The following SLC36A1 variants were observed in gnomAD, a reference collection of about 807,000 sequenced individuals.
The protein encoded by SLC36A1 is proton-coupled amino acid transporter 1.
Under a neutral mutation model 47.5 loss-of-function variants are expected in SLC36A1, and 30 were observed. That is an observed-to-expected ratio of 0.63 (90% CI 0.47 to 0.86). The LOEUF (loss-of-function observed/expected upper bound fraction) is 0.86. Among genes scored for constraint, SLC36A1 ranks in the 40% least tolerant of loss-of-function variants. The probability of loss-of-function intolerance (pLI) is 0.00; values close to 1 mark genes in which losing one functional copy is unlikely to be tolerated. For synonymous variants in SLC36A1, 255 were observed against 249.7 expected (o/e 1.02, Z -0.20); for missense variants, 517 against 606.0 (o/e 0.85, Z 1.54).
chr5:151,387,766 T>G, the SLC36A1 span, among the ~76,000 whole-genome samples: 3 of 152,226 alleles, frequency 2.0e-5, no homozygotes, highest in South Asian at 6.2e-4. Context: ...CATGCCCAGC[T>G]TGTCTGCCAT....
At chr5:151,532,551 G>A in the SLC36A1 span, among the ~76,000 whole-genome samples, 1 of 152,220 alleles carries the variant, frequency 6.6e-6, no homozygotes, top group Admixed American at 6.5e-5. Flanking sequence ...CATTAGGGAA[G>A]CTGCATGAAG....
At chr5:151,478,847 ATTGTAGCACTCTG>A (rs989610495) in intron 9 of SLC36A1, among the ~76,000 whole-genome samples, 31 of 152,216 alleles carry the variant, frequency 2.0e-4, no homozygotes, top group African/African-American at 7.2e-4. Flanking sequence ...TTTAAGACAA[ATTGTAGCACTCTG>A]TAGGTACTGT....
chr5:151,497,947 T>A, the SLC36A1 span, among the ~76,000 whole-genome samples: 1 of 151,574 alleles, frequency 6.6e-6, no homozygotes, highest in Non-Finnish European at 1.5e-5. Flanking sequence ...TCCTTTTTTT[T>A]TTTTTCTTTT....
chr5:151,551,455 G>A, the SLC36A1 span: 2 of 1,613,144 alleles, frequency 1.2e-6, no homozygotes, highest in South Asian at 2.2e-5. Context: ...GTCCCCAGCC[G>A]AGGCCTCTAA....
the SLC36A1 span, among the ~76,000 whole-genome samples, chr5:151,399,065 AATAT>A: frequency 8.1e-3 from 540 of 66,600 alleles, 2 homozygotes; most frequent in Middle Eastern, 0.017. Flanking sequence ...TGTGTGTGTA[AATAT>A]ATATATATAT....
chr5:151,458,605 C>T (rs1274842699), intron 1 of SLC36A1, among the ~76,000 whole-genome samples, 183 bp from the exon 2 acceptor site: 4 of 152,058 alleles, frequency 2.6e-5, no homozygotes, highest in South Asian at 2.1e-4. Flanking sequence ...GAACTCAGCC[C>T]GCCTCTGTGT....
chr5:151,505,517 C>CAAG, the SLC36A1 span: 1 of 1,608,096 alleles, frequency 6.2e-7, no homozygotes, highest in Non-Finnish European at 8.5e-7. Flanking sequence ...AGAAATAAGC[C>CAAG]AAGTCCAGTC....
chr5:151,382,217 C>T, the SLC36A1 span: 1 of 1,257,298 alleles, frequency 8.0e-7, no homozygotes, highest in Non-Finnish European at 1.2e-6. Context: ...TGAACCTCAT[C>T]TGCAAGTGCG....
chr5:151,378,885 A>G, the SLC36A1 span, among the ~76,000 whole-genome samples: 3 of 152,256 alleles, frequency 2.0e-5, no homozygotes, highest in Non-Finnish European at 4.4e-5. Flanking sequence ...GGGGAGGGCC[A>G]TGCTGCACTC....
chr5:151,508,435 C>T, the SLC36A1 span, among the ~76,000 whole-genome samples: 7 of 152,270 alleles, frequency 4.6e-5, no homozygotes, highest in African/African-American at 9.6e-5. Flanking sequence ...GTCGACTGGG[C>T]GCAGTGGCTC....
chr5:151,460,291 C>G (rs80244531), intron 2 of SLC36A1, among the ~76,000 whole-genome samples: 17,157 of 151,314 alleles, frequency 0.11, 1,421 homozygotes, highest in East Asian at 0.39. Context: ...TCTCAGATAT[C>G]AACTTGTCTA....
chr5:151,554,425 G>T, the SLC36A1 span: 3 of 1,614,072 alleles, frequency 1.9e-6, no homozygotes, highest in Middle Eastern at 1.6e-4. Flanking sequence ...CTGTGACCAG[G>T]TCGATACTGA....
chr5:151,378,038 A>G, the SLC36A1 span: 167 of 276,414 alleles, frequency 6.0e-4, no homozygotes, highest in African/African-American at 3.5e-3. Context: ...GAAATGGGCT[A>G]TTAAGCTGTT....
chr5:151,380,522 T>C, the SLC36A1 span: 1 of 512,728 alleles, frequency 2.0e-6, no homozygotes. Flanking sequence ...GTTCGTGTGT[T>C]GGAAAGACAG....
the SLC36A1 span, chr5:151,412,786 G>A: frequency 2.1e-5 from 3 of 144,100 alleles, no homozygotes; most frequent in African/African-American, 7.6e-5. Context: ...CCTTAGCTGC[G>A]ACCTGCCTGT....
the SLC36A1 span, among the ~76,000 whole-genome samples, chr5:151,366,897 C>T: frequency 0.14 from 21,418 of 152,098 alleles, 4,221 homozygotes; most frequent in African/African-American, 0.44. Flanking sequence ...TGATGCCCAC[C>T]TAAGTCTCAG....
the SLC36A1 span, among the ~76,000 whole-genome samples, chr5:151,526,564 TC>T: frequency 6.6e-6 from 1 of 152,258 alleles, no homozygotes; most frequent in Non-Finnish European, 1.5e-5. Context: ...CAGAAACTGA[TC>T]GTTGCCTATC....
the SLC36A1 span, among the ~76,000 whole-genome samples, chr5:151,523,708 T>C: frequency 2.0e-5 from 3 of 152,196 alleles, no homozygotes; most frequent in African/African-American, 7.2e-5. Flanking sequence ...ACATCCATGC[T>C]CTTGGCTTTG....
At chr5:151,527,100 G>A in the SLC36A1 span, 2 of 860,590 alleles carry the variant, frequency 2.3e-6, no homozygotes. Context: ...CCAGCAGTCT[G>A]TGTTGCCTTT....
Sources: gnomAD v4.1 joint callset for allele counts (sites outside exome capture counted in the v4.1 genomes callset) on GRCh38, gnomAD v4.1.1 for gene constraint, MANE v1.5 for transcripts, NCBI Gene and HGNC (gene_info 2026-07-23, HGNC 2026-07-21) for gene names.